The following DKK4 variants were observed in gnomAD, a reference collection of about 807,000 sequenced individuals.
DKK4 encodes dickkopf Wnt signaling pathway inhibitor 4.
A neutral mutation model predicts 14.5 loss-of-function variants in DKK4; 15 were observed. The ratio of observed to expected loss-of-function variants is 1.03; its 90% CI spans 0.69 to 1.59. DKK4 has a LOEUF of 1.59. Among genes scored for constraint, DKK4 ranks in the 40% most tolerant of loss-of-function variants. DKK4 has a pLI of 0.00. For synonymous variants in DKK4, 89 were observed against 105.2 expected, an observed-to-expected ratio of 0.85 and a Z score of 0.94; for missense variants, 272 against 280.3, an observed-to-expected ratio of 0.97 and a Z score of 0.21.
chr8:42,376,426 TATACAC>T (rs1237603044), intron 1 of DKK4, among the ~76,000 whole-genome samples: 1 of 152,202 alleles, frequency 6.6e-6, no homozygotes, highest in African/African-American at 2.4e-5. Context: ...TATAATAACA[TATACAC>T]ATACATAAAG....
At chr8:42,375,883 G>A (rs1824552366) in intron 1 of DKK4, 53 bp from the exon 2 acceptor site, 3 of 1,595,716 alleles carry the variant, frequency 1.9e-6, no homozygotes, top group Non-Finnish European at 2.6e-6. Flanking sequence ...CACGATGGAA[G>A]ATGACTTATT....
At chr8:42,378,361 G>A (rs1226067450), upstream of DKK4, among the ~76,000 whole-genome samples, 1 of 152,114 alleles carries the variant, frequency 6.6e-6, no homozygotes, top group Non-Finnish European at 1.5e-5. Flanking sequence ...TTCTGTGCAT[G>A]GGAACATTCT....
the DKK4 span, among the ~76,000 whole-genome samples, chr8:42,384,442 T>A: frequency 6.6e-6 from 1 of 152,212 alleles, no homozygotes; most frequent in Non-Finnish European, 1.5e-5. Flanking sequence ...AGTGCCCAGC[T>A]ACATCTGATT....
the DKK4 span, among the ~76,000 whole-genome samples, chr8:42,382,571 G>A: frequency 3.3e-5 from 5 of 152,218 alleles, no homozygotes; most frequent in Admixed American, 6.5e-5. Flanking sequence ...CTCCTGAGCG[G>A]CACCTGGAGC....
At chr8:42,389,428 T>G in the DKK4 span, among the ~76,000 whole-genome samples, 1 of 152,382 alleles carries the variant, frequency 6.6e-6, no homozygotes, top group African/African-American at 2.4e-5. Flanking sequence ...CCTACTAGGT[T>G]ATACTACCTT....
chr8:42,375,173 G>T (rs1283396886), intron 2 of DKK4, among the ~76,000 whole-genome samples: 1 of 152,186 alleles, frequency 6.6e-6, no homozygotes, highest in African/African-American at 2.4e-5. Flanking sequence ...TACAACTTGA[G>T]TCTTTCCTTT....
chr8:42,384,833 C>T, the DKK4 span, among the ~76,000 whole-genome samples: 1 of 152,224 alleles, frequency 6.6e-6, no homozygotes, highest in Non-Finnish European at 1.5e-5. Flanking sequence ...CACTAACTGA[C>T]GTCTATTTCC....
upstream of DKK4, among the ~76,000 whole-genome samples, chr8:42,378,633 C>T (rs193154798): frequency 2.2e-4 from 33 of 152,126 alleles, no homozygotes; most frequent in African/African-American, 7.0e-4. Context: ...CTGTCTCTGC[C>T]GGGTTTCTCT....
chr8:42,378,389 G>T (rs533985182), upstream of DKK4, among the ~76,000 whole-genome samples: 1 of 152,276 alleles, frequency 6.6e-6, no homozygotes, highest in South Asian at 2.1e-4. Context: ...GAGTAATGCA[G>T]TGCCATTCCG....
At chr8:42,384,660 GA>G in the DKK4 span, among the ~76,000 whole-genome samples, 2 of 152,046 alleles carry the variant, frequency 1.3e-5, no homozygotes, top group Non-Finnish European at 2.9e-5. Flanking sequence ...ACCCAGCCAG[GA>G]GTTTCCCTCT....
chr8:42,385,444 G>A, the DKK4 span, among the ~76,000 whole-genome samples: 3 of 152,074 alleles, frequency 2.0e-5, no homozygotes, highest in African/African-American at 4.8e-5. Flanking sequence ...TTCTGACTTT[G>A]GTAGAAAGTC....
rs1446404153 is a variant in DKK4 at position 42,376,962 on chromosome 8, G to C, written c.84C>G (p.Ser28Arg). 6.2e-7 allele frequency: 1 copy of C among 1,613,654 alleles called. No homozygotes were observed. Among genetic ancestry groups the C allele is most frequent in the Non-Finnish European group, 8.5e-7 (1 of 1,180,002 alleles). ...ALVLDFNNIR[S>R]SADLHGARKG... ...TCCGGGCCCCATGCAGGTCAGCAGA[G>C]CTCCTGATGTTGTTGAAGTCCAGGA... The change falls in exon 1 of 4, where the codon AGC becomes AGG. Residue 28 changes from serine (S) to arginine (R), a missense_variant. Transcript: ENST00000220812.
At chr8:42,387,680 A>C in the DKK4 span, among the ~76,000 whole-genome samples, 52 of 152,190 alleles carry the variant, frequency 3.4e-4, no homozygotes, top group African/African-American at 1.2e-3. Context: ...AGTCTTGATA[A>C]GGACATTAAG....
chr8:42,378,398 C>T (rs527683772), upstream of DKK4, among the ~76,000 whole-genome samples: 12 of 152,206 alleles, frequency 7.9e-5, no homozygotes, highest in Middle Eastern at 3.4e-3. Context: ...AGTGCCATTC[C>T]GAGGGTGATG....
the DKK4 span, among the ~76,000 whole-genome samples, chr8:42,390,012 C>T: frequency 6.6e-6 from 1 of 152,044 alleles, no homozygotes; most frequent in African/African-American, 2.4e-5. Flanking sequence ...CCTGCTTCAG[C>T]CTCCCCAGTA....
At chr8:42,388,317 C>A in the DKK4 span, among the ~76,000 whole-genome samples, 3 of 152,084 alleles carry the variant, frequency 2.0e-5, no homozygotes. Flanking sequence ...GCAACCTCTA[C>A]CTCCCAGGTT....
At chr8:42,385,161 G>A in the DKK4 span, among the ~76,000 whole-genome samples, 2 of 152,294 alleles carry the variant, frequency 1.3e-5, no homozygotes, top group Non-Finnish European at 2.9e-5. Flanking sequence ...GGAGGACAAG[G>A]CAGGAGGATT....
the DKK4 span, among the ~76,000 whole-genome samples, chr8:42,388,240 T>G: frequency 1.3e-5 from 2 of 152,132 alleles, no homozygotes; most frequent in African/African-American, 2.4e-5. Flanking sequence ...TTTTGTTTTG[T>G]TTTATTTGAG....
At chr8:42,374,411 T>C in intron 3 of DKK4, 52 bp from the exon 4 acceptor site, 1 of 1,605,646 alleles carries the variant, frequency 6.2e-7, no homozygotes, top group East Asian at 2.2e-5. Context: ...AGTGGCCTGC[T>C]GGGGGTTTGC....
Sources: gnomAD v4.1 joint callset for allele counts (sites outside exome capture counted in the v4.1 genomes callset) on GRCh38, gnomAD v4.1.1 for gene constraint, MANE v1.5 for transcripts, NCBI Gene and HGNC (gene_info 2026-07-23, HGNC 2026-07-21) for gene names.